The following COG5 variants were observed in gnomAD, a reference collection of about 807,000 sequenced individuals.
COG5 encodes conserved oligomeric Golgi complex subunit 5.
A neutral mutation model predicts 110.4 loss-of-function variants in COG5; 86 were observed. The observed-to-expected ratio is 0.78, with a 90% CI of 0.65 to 0.93. The LOEUF is 0.93. COG5 is among the 40% of genes least tolerant of loss of function. COG5 has a pLI of 0.00. For missense variants in COG5, 1,077 were observed against 987.0 expected (o/e 1.09, Z -1.22); for synonymous variants, 360 against 334.6 (o/e 1.08, Z -0.83).
intron 7 of COG5, among the ~76,000 whole-genome samples, chr7:107,408,613 C>T (rs1232254374): frequency 6.6e-6 from 1 of 152,132 alleles, no homozygotes; most frequent in Non-Finnish European, 1.5e-5. Context: ...TGTACTTTTC[C>T]TACTTCTGTT....
At chr7:107,537,021 TG>T (rs933515756) in intron 5 of COG5, among the ~76,000 whole-genome samples, 2 of 152,276 alleles carry the variant, frequency 1.3e-5, no homozygotes, top group Middle Eastern at 6.8e-3. Context: ...AAACAAGCAA[TG>T]GGGAAAGGAT....
intron 6 of COG5, among the ~76,000 whole-genome samples, chr7:107,466,079 C>T (rs1467081038): frequency 6.6e-6 from 1 of 152,060 alleles, no homozygotes; most frequent in African/African-American, 2.4e-5. Flanking sequence ...AAAGAGAAAT[C>T]AATGGGGTGA....
intron 16 of COG5, among the ~76,000 whole-genome samples, chr7:107,249,519 A>C (rs1167975124): frequency 2.6e-5 from 4 of 152,132 alleles, no homozygotes; most frequent in African/African-American, 9.7e-5. Flanking sequence ...TAAAATCAAA[A>C]ATGTAAATAT....
In COG5 at chr7:107,527,280, T is replaced by G; in HGVS notation, c.495A>C (p.Gly165=). Residue 165 remains glycine (G), a synonymous_variant, in exon 6 of 22, where the codon GGA becomes GGC. Transcript: ENST00000297135. ...SKRLQGQLQG[G]SREITKAAQS... Reference sequence around the variant, plus strand: ...GAGCAGCTTTTGTTATCTCTCTACTTCCCCCTTGCAGTTGTCCTTGGAGTC... The same window carrying G: ...GAGCAGCTTTTGTTATCTCTCTACTGCCCCCTTGCAGTTGTCCTTGGAGTC... The G allele has an allele frequency of 6.2e-7, 1 of 1,610,694 alleles. No homozygotes were observed. The highest frequency in any genetic ancestry group is 2.2e-5 in the East Asian group (1 of 44,772).
intron 6 of COG5, among the ~76,000 whole-genome samples, chr7:107,511,577 G>A (rs1799516543): frequency 6.6e-6 from 1 of 152,122 alleles, no homozygotes; most frequent in South Asian, 2.1e-4. Flanking sequence ...CCAAAGCCTG[G>A]CAGAGACACA....
chr7:107,345,041 T>TA (rs1452000597), intron 10 of COG5, among the ~76,000 whole-genome samples: 1 of 152,128 alleles, frequency 6.6e-6, no homozygotes, highest in Non-Finnish European at 1.5e-5. Context: ...CTTGAACACT[T>TA]AGAGGTCACT....
chr7:107,544,754 G>C (rs1382810710), intron 5 of COG5, among the ~76,000 whole-genome samples: 1 of 152,156 alleles, frequency 6.6e-6, no homozygotes. Context: ...ATCACAATCA[G>C]GGAAACATAA....
At chr7:107,365,517 A>G (rs1268162821) in intron 8 of COG5, among the ~76,000 whole-genome samples, 1 of 148,846 alleles carries the variant, frequency 6.7e-6, no homozygotes, top group Non-Finnish European at 1.5e-5. Context: ...AATTTGCACA[A>G]GCTATCTAAG....
At chr7:107,274,925 C>T (rs1804576476) in intron 14 of COG5, among the ~76,000 whole-genome samples, 1 of 151,986 alleles carries the variant, frequency 6.6e-6, no homozygotes, top group Non-Finnish European at 1.5e-5. Context: ...CAAGCTCTTA[C>T]AAGTCTGAGA....
chr7:107,346,743 T>G (rs943653879), intron 10 of COG5, among the ~76,000 whole-genome samples: 1 of 152,120 alleles, frequency 6.6e-6, no homozygotes, highest in Non-Finnish European at 1.5e-5. Flanking sequence ...AGGGTACATG[T>G]GCACAATCTG....
At chr7:107,558,932 AAAAC>A (rs1277852570) in intron 1 of COG5, among the ~76,000 whole-genome samples, 19,123 of 129,188 alleles carry the variant, frequency 0.15, 1,435 homozygotes, top group East Asian at 0.23. Flanking sequence ...AAAAAAAAAA[AAAAC>A]CATAACTACT....
chr7:107,471,285 A>G (rs1159200937), intron 6 of COG5: 1 of 152,076 alleles, frequency 6.6e-6, no homozygotes, highest in Non-Finnish European at 1.5e-5. Context: ...AATACTGGAT[A>G]GTTTTTAAAC....
chr7:107,536,293 T>G (rs1422305615), intron 5 of COG5, among the ~76,000 whole-genome samples: 1 of 152,086 alleles, frequency 6.6e-6, no homozygotes, highest in East Asian at 1.9e-4. Context: ...GAGAAAGAAA[T>G]AAAGGGTATT....
chr7:107,505,766 G>T (rs1798948002), intron 6 of COG5, among the ~76,000 whole-genome samples: 1 of 152,182 alleles, frequency 6.6e-6, no homozygotes, highest in African/African-American at 2.4e-5. Flanking sequence ...TTGTGCCATG[G>T]GTGGTCCCTT....
At chr7:107,365,596 CAAA>C (rs71134263) in intron 8 of COG5, among the ~76,000 whole-genome samples, 52 of 36,690 alleles carry the variant, frequency 1.4e-3, no homozygotes, top group African/African-American at 4.6e-3. Flanking sequence ...TGCAAAATGA[CAAA>C]AAAAAAAAAA....
intron 11 of COG5, among the ~76,000 whole-genome samples, chr7:107,303,909 GTAT>G (rs1807490542): frequency 6.6e-6 from 1 of 152,114 alleles, no homozygotes; most frequent in African/African-American, 2.4e-5. Context: ...ACCTGGGAAT[GTAT>G]TATTCAGATT....
intron 5 of COG5, among the ~76,000 whole-genome samples, chr7:107,547,724 T>C (rs762135846): frequency 2.6e-4 from 39 of 152,006 alleles, no homozygotes; most frequent in Non-Finnish European, 4.7e-4. Flanking sequence ...AGCATTTCTA[T>C]ACACTAACAA....
chr7:107,507,091 T>C (rs1445357827), intron 6 of COG5, among the ~76,000 whole-genome samples: 1 of 152,158 alleles, frequency 6.6e-6, no homozygotes, highest in Non-Finnish European at 1.5e-5. Context: ...TCTTCCCCTG[T>C]GGGTTGGATT....
intron 11 of COG5, among the ~76,000 whole-genome samples, chr7:107,301,766 GGCTGAGGCACGAAAATT>G (rs1158099744): frequency 6.6e-6 from 1 of 152,032 alleles, no homozygotes; most frequent in Admixed American, 6.6e-5. Context: ...CTATTTGGGA[GGCTGAGGCACGAAAATT>G]GCTTGAATCC....
Sources: allele counts gnomAD v4.1 joint callset (sites outside exome capture counted in the v4.1 genomes callset), GRCh38; gene constraint gnomAD v4.1.1; transcripts MANE v1.5; gene names NCBI Gene and HGNC (gene_info 2026-07-23, HGNC 2026-07-21).